Variants in PMPCB observed in about 807,000 individuals in gnomAD.
PMPCB encodes the protein mitochondrial-processing peptidase subunit beta.
A neutral mutation model predicts 61.5 loss-of-function variants in PMPCB; 46 were observed. The ratio of observed to expected loss-of-function variants is 0.75; its 90% CI spans 0.59 to 0.96. The LOEUF is 0.96. PMPCB is among the 40% of genes least tolerant of loss of function. PMPCB has a pLI of 0.00. For missense variants in PMPCB, 590 were observed against 602.4 expected (o/e 0.98, Z 0.22); for synonymous variants, 191 against 201.6 (o/e 0.95, Z 0.44).
Position 103,298,679 on chromosome 7 carries a change from T to A in PMPCB, c.211T>A (p.Ser71Thr). The change falls in exon 2 of 13, where the codon TCG (serine) becomes ACG (threonine). Residue 71 changes from serine (S) to threonine (T), a missense_variant. Physicochemically the swap from Ser to Thr is moderately conservative, Grantham distance 58 (BLOSUM62 1). Coordinates refer to ENST00000249269, the MANE Select transcript of PMPCB (RefSeq NM_004279.3). ...TTTAGAAAGTGGACTCAGAGTAGCT[T>A]CGGAAGACTCTGGGCTCTCAACATG... is the stretch of plus-strand genomic sequence containing the variant. The part of the protein sequence containing the change: ...TCLESGLRVA[S>T]EDSGLSTCTV... The A allele has an allele frequency of 6.2e-7, 1 of 1,614,162 alleles. No homozygotes were observed. The highest frequency in any genetic ancestry group is 8.5e-7 in the Non-Finnish European group (1 of 1,179,974).
chr7:103,318,344 C>T (rs2240242), downstream of PMPCB, among the ~76,000 whole-genome samples: 1,515 of 152,028 alleles, frequency 1.0e-2, 66 homozygotes, highest in East Asian at 0.14. Flanking sequence ...TTTGTATTTT[C>T]GGTAGAGATT....
downstream of PMPCB, among the ~76,000 whole-genome samples, chr7:103,318,160 A>T (rs1249356654): frequency 6.8e-6 from 1 of 146,416 alleles, no homozygotes; most frequent in Non-Finnish European, 1.5e-5. Flanking sequence ...TCCCCATAAC[A>T]TTTTTTTTTT....
intron 4 of PMPCB, 126 bp from the exon 5 acceptor site, chr7:103,303,716 C>T: frequency 1.6e-6 from 1 of 632,706 alleles, no homozygotes; most frequent in Non-Finnish European, 2.7e-6. Flanking sequence ...TGATGTTTTT[C>T]TCCTAGGCTA....
rs749422802 is a variant in PMPCB, at chr7:103,329,074, C to T, written c.*1575C>T. The T allele has an allele frequency of 6.1e-4, 612 of 997,506 alleles. 9 individuals carry two copies. The highest frequency in any genetic ancestry group is 1.4e-4 in the Non-Finnish European group (106 of 756,326). The allele number at this position is 997,506 out of a possible 1,614,324, so 61.8% of individuals were successfully genotyped here. On this transcript the variant is annotated 3_prime_UTR_variant and NMD_transcript_variant, in exon 13 of 13. Coordinates refer to the PMPCB transcript ENST00000444457. ...CTAATTATTTAAAATTTGTGATTAT[C>T]GCTGGTGGTCAACAATTTTTTTGTT...
rs771874167 is a variant in PMPCB, at chr7:103,312,424, T to C, written c.*153T>C. On this transcript the variant is annotated 3_prime_UTR_variant, in exon 13 of 13. Transcript: ENST00000249269. ...AAGACTACCCCTCTGAAGGTTGTTT[T>C]GTATTAATGGTCAGTCTTTGTTCTC... The C allele has an allele frequency of 8.5e-5, 129 of 1,509,860 alleles. 1 individual carries two copies. The highest frequency in any genetic ancestry group is 1.4e-4 in the Admixed American group (6 of 44,078). 93.5% of individuals were successfully genotyped at this position (1,509,860 alleles called of 1,614,324 possible). A position where few individuals can be genotyped will look rare whatever the true frequency, so the allele number is the denominator to read the frequency against.
rs1817797677 is a variant in PMPCB, at chr7:103,312,440, C to CTT, written c.*171_*172dup. ...AGGTTGTTTTGTATTAATGGTCAGT[C>CTT]TTTGTTCTCTGAGAAATTATGTTGG... On this transcript the variant is annotated 3_prime_UTR_variant, in exon 13 of 13. Coordinates refer to ENST00000249269, the MANE Select transcript of PMPCB (RefSeq NM_004279.3). 2 of 1,517,656 alleles carry CTT rather than the reference C, an allele frequency of 1.3e-6. No homozygotes were observed. Among genetic ancestry groups the CTT allele is most frequent in the Admixed American group, 2.2e-5 (1 of 46,182 alleles). 94.0% of individuals were successfully genotyped at this position (1,517,656 alleles called of 1,614,324 possible). A position where few individuals can be genotyped will look rare whatever the true frequency, so the allele number is the denominator to read the frequency against.
chr7:103,337,957 G>A, the PMPCB span: 1 of 622,698 alleles, frequency 1.6e-6, no homozygotes, highest in Non-Finnish European at 2.8e-6. Flanking sequence ...AGGGTCTATG[G>A]TCAGGTAAGG....
At chr7:103,344,357 A>G in the PMPCB span, 2 of 601,450 alleles carry the variant, frequency 3.3e-6, no homozygotes, top group Non-Finnish European at 5.9e-6. Flanking sequence ...GAGCAAAAGG[A>G]AGGCACCCCT....
chr7:103,337,868 C>A, the PMPCB span: 6 of 1,272,646 alleles, frequency 4.7e-6, no homozygotes, highest in Admixed American at 9.0e-5. Context: ...ATATTCCATC[C>A]CTTGTGTTCT....
In PMPCB at chr7:103,313,320, T is replaced by TAAA. The variant is rs1198910417; in HGVS notation, c.*1051_*1053dup. On this transcript the variant is annotated 3_prime_UTR_variant, in exon 13 of 13. Transcript: ENST00000249269. Reference sequence around the variant, plus strand: ...CAGAAAATAAAATCTCAAAGGCTTTTAAAACACAATAGTAAAGATCTACCT... The same window carrying TAAA: ...CAGAAAATAAAATCTCAAAGGCTTTTAAAAAAACACAATAGTAAAGATCTACCT... 5.6e-5 allele frequency: 73 copies of TAAA among 1,297,108 alleles called. No individual in the cohort carries two copies. The highest frequency in any genetic ancestry group is 6.8e-5 in the Non-Finnish European group (70 of 1,025,448). The allele number at this position is 1,297,108 out of a possible 1,614,324, so 80.3% of individuals were successfully genotyped here.
downstream of PMPCB, chr7:103,316,929 G>A (rs1018607128): frequency 6.2e-7 from 1 of 1,613,938 alleles, no homozygotes; most frequent in Non-Finnish European, 8.5e-7. Context: ...TCCACCAGTT[G>A]ATTTCTCTGT....
rs149259090 is a variant in PMPCB at position 103,299,475 on chromosome 7, C to T, written c.273C>T (p.Tyr91=). 2.5e-5 allele frequency: 40 copies of T among 1,611,464 alleles called. No homozygotes were observed. The highest frequency in any genetic ancestry group is 2.4e-4 in the African/African-American group (18 of 74,944). Residue 91 remains tyrosine, a synonymous_variant, in exon 3 of 13, where the codon TAC becomes TAT. Transcript: ENST00000249269. The part of the protein sequence containing the change: ...VGLWIDAGSR[Y]ENEKNNGTAH... ...TCTGGATTGATGCTGGAAGTAGATA[C>T]GAAAATGAGAAGAACAATGGAACAG...
rs1359579397 is a variant in PMPCB at position 103,312,223 on chromosome 7, A to G, written c.1422A>G (p.Leu474=). 6.2e-7 allele frequency: 1 copy of G among 1,613,478 alleles called. No homozygotes were observed. The highest frequency in any genetic ancestry group is 2.2e-5 in the East Asian group (1 of 44,856). ...AIAAVGPIKQ[L]PDFKQIRSNM... Reference sequence around the variant, plus strand: ...AATCCTTAGGTCCCATTAAGCAACTACCAGATTTTAAACAGATACGCAGTA... The same window carrying G: ...AATCCTTAGGTCCCATTAAGCAACTGCCAGATTTTAAACAGATACGCAGTA... The change falls in exon 13 of 13, where the codon CTA becomes CTG. Residue 474 remains leucine (L), a synonymous_variant. Transcript: ENST00000249269.
chr7:103,344,289 C>G, the PMPCB span: 1 of 530,788 alleles, frequency 1.9e-6, no homozygotes. Flanking sequence ...GGGTTCCGTC[C>G]CGAAATGCTC....
chr7:103,318,987 G>A (rs978167182), downstream of PMPCB, among the ~76,000 whole-genome samples: 5 of 152,090 alleles, frequency 3.3e-5, no homozygotes, highest in South Asian at 4.2e-4. Flanking sequence ...CAATGCGGAC[G>A]GATCACTTGA....
chr7:103,344,640 C>G, the PMPCB span: 1 of 1,606,248 alleles, frequency 6.2e-7, no homozygotes, highest in East Asian at 2.2e-5. Context: ...CCGGGTCTAG[C>G]CCGGTGGGCG....
chr7:103,307,631 T>G lies in PMPCB; in HGVS notation c.772T>G (p.Phe258Val). 1 of 1,613,346 alleles carries G rather than the reference T, an allele frequency of 6.2e-7. No homozygotes were observed. The highest frequency in any genetic ancestry group is 8.5e-7 in the Non-Finnish European group (1 of 1,179,260). The change falls in exon 7 of 13, where the codon TTT becomes GTT. Residue 258 changes from phenylalanine (F) to valine (V), a missense_variant. Coordinates refer to ENST00000249269, the MANE Select transcript of PMPCB (RefSeq NM_004279.3). ...SHDELLDLAK[F>V]HFGDSLCTHK... is the part of the protein sequence containing the mutation. Reference sequence around the variant, plus strand: ...TGATGAATTGCTTGACTTAGCAAAGTTTCATTTCGGTGACTCTTTATGCAC... The same window carrying G: ...TGATGAATTGCTTGACTTAGCAAAGGTTCATTTCGGTGACTCTTTATGCAC...
chr7:103,317,295 G>C, downstream of PMPCB: 1 of 341,012 alleles, frequency 2.9e-6, no homozygotes, highest in East Asian at 4.9e-5. Flanking sequence ...TGACAAGTCT[G>C]TGGGTCACTG....
intron 12 of PMPCB, among the ~76,000 whole-genome samples, chr7:103,325,210 G>A (rs1329103191): frequency 6.6e-6 from 1 of 152,172 alleles, no homozygotes; most frequent in African/African-American, 2.4e-5. Flanking sequence ...TTGGGAGGCC[G>A]AGGCCAGCGG....
Sources: gnomAD v4.1 joint callset for allele counts (sites outside exome capture counted in the v4.1 genomes callset) on GRCh38, gnomAD v4.1.1 for gene constraint, MANE v1.5 for transcripts, NCBI Gene and HGNC (gene_info 2026-07-23, HGNC 2026-07-21) for gene names.